NLGN1: variants seen among roughly 807,000 people sequenced by gnomAD.
NLGN1 encodes neuroligin 1.
Under a neutral mutation model 65.5 loss-of-function variants are expected in NLGN1, and 12 were observed. The ratio of observed to expected loss-of-function variants is 0.18; its 90% CI spans 0.12 to 0.30. The LOEUF (loss-of-function observed/expected upper bound fraction) is 0.30. Ranked by LOEUF, NLGN1 falls within the 10% of genes least tolerant of loss-of-function variation. The probability of loss-of-function intolerance (pLI) is 1.00; values close to 1 mark genes in which losing one functional copy is unlikely to be tolerated. For missense variants in NLGN1, 750 were observed against 1,007.1 expected (o/e 0.74, Z 3.46); for synonymous variants, 350 against 359.5 (o/e 0.97, Z 0.30).
At chr3:173,494,525 T>G (rs1244186423) in intron 2 of NLGN1, among the ~76,000 whole-genome samples, 2 of 151,742 alleles carry the variant, frequency 1.3e-5, no homozygotes, top group Non-Finnish European at 2.9e-5. Context: ...TTTCAAAGAT[T>G]AGAATTTTTT....
At chr3:173,838,223 A>AG (rs1301643285) in intron 4 of NLGN1, among the ~76,000 whole-genome samples, 2 of 151,772 alleles carry the variant, frequency 1.3e-5, no homozygotes, top group Non-Finnish European at 2.9e-5. Flanking sequence ...AAAATTAAAA[A>AG]AAAAAAGGTT....
At chr3:173,569,737 G>A (rs1002912849) in intron 2 of NLGN1, among the ~76,000 whole-genome samples, 1 of 152,068 alleles carries the variant, frequency 6.6e-6, no homozygotes, top group Non-Finnish European at 1.5e-5. Flanking sequence ...CATGGTCCTA[G>A]AAGTTTTAAG....
At chr3:173,444,297 G>C (rs956407460) in intron 2 of NLGN1, among the ~76,000 whole-genome samples, 1 of 152,124 alleles carries the variant, frequency 6.6e-6, no homozygotes. Flanking sequence ...CTCCATATCT[G>C]TATAACAGAA....
chr3:174,230,579 T>C (rs918823984), intron 4 of NLGN1, among the ~76,000 whole-genome samples: 7 of 152,226 alleles, frequency 4.6e-5, no homozygotes, highest in Non-Finnish European at 1.0e-4. Context: ...CACAAAAGTA[T>C]TCACCTTGGC....
intron 3 of NLGN1, among the ~76,000 whole-genome samples, chr3:173,775,120 T>C (rs965013718): frequency 6.6e-6 from 1 of 152,144 alleles, no homozygotes; most frequent in African/African-American, 2.4e-5. Flanking sequence ...TGCAAATTAG[T>C]ACAATCAAAT....
chr3:173,780,929 C>T lies in NLGN1; in HGVS notation c.494-26751C>T, dbSNP rs569223141. Among the ~76,000 whole-genome samples the T allele has an allele frequency of 6.7e-4, 102 of 152,016 alleles. No individual in the cohort carries two copies. In the Middle Eastern group the frequency reaches 0.021, roughly 31 times the overall value. On this transcript the variant is annotated intron_variant, in intron 3 of 6. Transcript: ENST00000457714. ...GGCCGAGGCGGGCGGATCACGAGGT[C>T]AGGAGATCGAGACCATCATGCCTAA... is the stretch of plus-strand genomic sequence containing the variant.
At chr3:174,278,492 T>C (rs1751001276) in intron 5 of NLGN1, among the ~76,000 whole-genome samples, 1 of 151,870 alleles carries the variant, frequency 6.6e-6, no homozygotes, top group Non-Finnish European at 1.5e-5. Flanking sequence ...TGTTGGAGAG[T>C]TAAATAGGAG....
intron 1 of NLGN1, among the ~76,000 whole-genome samples, chr3:173,434,102 C>T (rs191933999): frequency 6.6e-6 from 1 of 152,000 alleles, no homozygotes; most frequent in Admixed American, 6.6e-5. Flanking sequence ...AATCCAAAAT[C>T]CTTAACTAGA....
At chr3:174,138,010 A>C (rs1721532420) in intron 4 of NLGN1, among the ~76,000 whole-genome samples, 1 of 152,080 alleles carries the variant, frequency 6.6e-6, no homozygotes, top group African/African-American at 2.4e-5. Context: ...AATCCATTTG[A>C]CTCGAAGTTA....
chr3:174,155,623 C>T (rs1185930482), intron 4 of NLGN1, among the ~76,000 whole-genome samples: 5 of 151,410 alleles, frequency 3.3e-5, no homozygotes, highest in Non-Finnish European at 7.4e-5. Flanking sequence ...ATTTGGTTCT[C>T]ATTTTCAGAC....
At chr3:173,902,492 A>G (rs1737549528) in intron 4 of NLGN1, among the ~76,000 whole-genome samples, 2 of 152,138 alleles carry the variant, frequency 1.3e-5, no homozygotes, top group African/African-American at 4.8e-5. Context: ...CATGATAGTT[A>G]TTCTTACGTA....
At chr3:174,211,269 A>C (rs1262055958) in intron 4 of NLGN1, among the ~76,000 whole-genome samples, 2 of 152,108 alleles carry the variant, frequency 1.3e-5, no homozygotes, top group East Asian at 3.9e-4. Context: ...TTATTCTCTT[A>C]TCTGGCCCCA....
At chr3:173,624,444 C>G (rs1344417636) in intron 3 of NLGN1, among the ~76,000 whole-genome samples, 1 of 152,120 alleles carries the variant, frequency 6.6e-6, no homozygotes, top group African/African-American at 2.4e-5. Context: ...TCTTCTCATG[C>G]TACTGCTGCT....
At chr3:173,686,046 T>C (rs1764638783) in intron 3 of NLGN1, among the ~76,000 whole-genome samples, 1 of 152,140 alleles carries the variant, frequency 6.6e-6, no homozygotes, top group Non-Finnish European at 1.5e-5. Context: ...GGCTAACAAC[T>C]ATTTTTAAAT....
At chr3:173,479,655 A>G (rs1028340987) in intron 2 of NLGN1, among the ~76,000 whole-genome samples, 17 of 152,196 alleles carry the variant, frequency 1.1e-4, no homozygotes, top group African/African-American at 3.9e-4. Flanking sequence ...CCTGTCTCAG[A>G]TCACAGACAG....
chr3:173,809,315 G>A (rs1717380604), intron 4 of NLGN1, among the ~76,000 whole-genome samples: 1 of 152,074 alleles, frequency 6.6e-6, no homozygotes, highest in South Asian at 2.1e-4. Context: ...AAATCTTAAT[G>A]TTGTCATTTG....
At chr3:173,870,268 C>A (rs1262035760) in intron 4 of NLGN1, among the ~76,000 whole-genome samples, 1 of 151,902 alleles carries the variant, frequency 6.6e-6, no homozygotes, top group Non-Finnish European at 1.5e-5. Context: ...CATATATTTC[C>A]TCTTGCTTTC....
intron 4 of NLGN1, among the ~76,000 whole-genome samples, chr3:174,024,353 A>G (rs1728410581): frequency 6.6e-6 from 1 of 152,100 alleles, no homozygotes; most frequent in Non-Finnish European, 1.5e-5. Flanking sequence ...AGCATGCCAA[A>G]TGAGTAATGC....
At chr3:173,770,740 A>G (rs1393300456) in intron 3 of NLGN1, among the ~76,000 whole-genome samples, 5 of 152,296 alleles carry the variant, frequency 3.3e-5, no homozygotes, top group Admixed American at 6.5e-5. Flanking sequence ...CTCATCTGTG[A>G]AATGAAAATG....
Sources: gnomAD v4.1 joint callset for allele counts (sites outside exome capture counted in the v4.1 genomes callset) on GRCh38, gnomAD v4.1.1 for gene constraint, MANE v1.5 for transcripts, NCBI Gene and HGNC (gene_info 2026-07-23, HGNC 2026-07-21) for gene names.